Variants in DSCAM observed in about 807,000 individuals in gnomAD.
DSCAM encodes the protein DS cell adhesion molecule, also known as cell adhesion molecule DSCAM.
Under a neutral mutation model 217.7 loss-of-function variants are expected in DSCAM, and 47 were observed. The ratio of observed to expected loss-of-function variants is 0.22; its 90% CI spans 0.17 to 0.28. The LOEUF is 0.28. DSCAM is among the 10% of genes least tolerant of loss of function. The probability of loss-of-function intolerance (pLI) is 1.00; values close to 1 mark genes in which losing one functional copy is unlikely to be tolerated. For missense variants in DSCAM, 2,080 were observed against 2,618.3 expected (o/e 0.79, Z 4.49); for synonymous variants, 1,056 against 1,015.3 (o/e 1.04, Z -0.76).
At chr21:40,843,226 C>T (rs1363575410) in intron 1 of DSCAM, among the ~76,000 whole-genome samples, 1 of 152,150 alleles carries the variant, frequency 6.6e-6, no homozygotes, top group East Asian at 1.9e-4. Flanking sequence ...GTGCTGCATA[C>T]TCATCTTCTC....
At chr21:40,343,246 A>C (rs1305539045) in intron 6 of DSCAM, among the ~76,000 whole-genome samples, 1 of 152,184 alleles carries the variant, frequency 6.6e-6, no homozygotes, top group Non-Finnish European at 1.5e-5. Flanking sequence ...TGTAATTAAG[A>C]CAGCTGAAAT....
intron 20 of DSCAM, among the ~76,000 whole-genome samples, chr21:40,118,817 G>A (rs2090001753): frequency 1.3e-5 from 2 of 152,178 alleles, no homozygotes; most frequent in Non-Finnish European, 2.9e-5. Flanking sequence ...CATCATTGCT[G>A]TGTCCTCTGT....
At position 40,693,091 on chromosome 21, in the gene DSCAM, G is replaced by T. The variant is rs2090556113; in HGVS notation, c.362-135C>A. 4 of 1,040,702 alleles carry T rather than the reference G, an allele frequency of 3.8e-6. No homozygotes were observed. The South Asian group carries it at 9.2e-5, about 24-fold the overall frequency. 64.5% of individuals were successfully genotyped at this position (1,040,702 alleles called of 1,614,324 possible). On this transcript the variant is annotated intron_variant, in intron 2 of 32. Coordinates refer to ENST00000400454, the MANE Select transcript of DSCAM (RefSeq NM_001389.5). ...TATCTTTCTGGAAAACAGTTAAGAT[G>T]CCTACATTTCACGTCTTTCATCGCC...
At chr21:40,202,616 G>T (rs1478770603) in intron 11 of DSCAM, among the ~76,000 whole-genome samples, 2 of 152,202 alleles carry the variant, frequency 1.3e-5, no homozygotes, top group East Asian at 1.9e-4. Flanking sequence ...GTGTCCCAGG[G>T]ATCTCCTCTA....
At chr21:40,015,417 C>CT (rs5843993) in intron 32 of DSCAM, among the ~76,000 whole-genome samples, 34,943 of 145,392 alleles carry the variant, frequency 0.24, 5,178 homozygotes, top group East Asian at 0.45. Context: ...TCTCTTGACT[C>CT]TTTTTTTTTT....
At chr21:40,824,072 A>G (rs948916372) in intron 1 of DSCAM, among the ~76,000 whole-genome samples, 1 of 152,200 alleles carries the variant, frequency 6.6e-6, no homozygotes, top group East Asian at 1.9e-4. Flanking sequence ...CATGGGGATA[A>G]TCTAGACCCA....
chr21:40,410,747 C>A (rs1462141077), intron 3 of DSCAM, among the ~76,000 whole-genome samples: 1 of 142,310 alleles, frequency 7.0e-6, no homozygotes, highest in South Asian at 2.4e-4. Flanking sequence ...ATATAGAATT[C>A]TCTATACAGT....
chr21:40,691,884 T>C (rs919431298), intron 3 of DSCAM, among the ~76,000 whole-genome samples: 1 of 152,214 alleles, frequency 6.6e-6, no homozygotes, highest in African/African-American at 2.4e-5. Flanking sequence ...ATCAATAAGC[T>C]GAGAAACAAA....
At chr21:40,119,763 A>C (rs1052168197) in intron 20 of DSCAM, among the ~76,000 whole-genome samples, 1 of 151,956 alleles carries the variant, frequency 6.6e-6, no homozygotes, top group Admixed American at 6.6e-5. Flanking sequence ...TAGGGAGGGT[A>C]CTGGGAGGGA....
At chr21:40,073,327 T>C (rs780996528) in intron 27 of DSCAM, among the ~76,000 whole-genome samples, 1 of 152,144 alleles carries the variant, frequency 6.6e-6, no homozygotes, top group South Asian at 2.1e-4. Flanking sequence ...TAATAAGAAA[T>C]ATTTACTATT....
At chr21:40,609,061 C>T (rs1176139149) in intron 3 of DSCAM, among the ~76,000 whole-genome samples, 1 of 152,156 alleles carries the variant, frequency 6.6e-6, no homozygotes, top group Non-Finnish European at 1.5e-5. Context: ...CTCAAGCAGT[C>T]CTCCATCCTC....
intron 10 of DSCAM, among the ~76,000 whole-genome samples, chr21:40,284,469 C>T (rs1253455717): frequency 1.3e-5 from 2 of 152,178 alleles, no homozygotes; most frequent in Non-Finnish European, 2.9e-5. Flanking sequence ...AACTACATTC[C>T]CTGGCTTTGT....
At chr21:40,368,340 A>G (rs2074856192) in intron 4 of DSCAM, among the ~76,000 whole-genome samples, 1 of 152,210 alleles carries the variant, frequency 6.6e-6, no homozygotes, top group South Asian at 2.1e-4. Flanking sequence ...TTTTCCCCCA[A>G]AAGACATGAT....
chr21:40,554,339 T>C (rs1461803038), intron 3 of DSCAM, among the ~76,000 whole-genome samples: 2 of 152,204 alleles, frequency 1.3e-5, no homozygotes, highest in Non-Finnish European at 2.9e-5. Flanking sequence ...GCAGCTATCA[T>C]TCTTACAAAA....
At chr21:40,725,645 T>G (rs2090948332) in intron 1 of DSCAM, among the ~76,000 whole-genome samples, 1 of 152,228 alleles carries the variant, frequency 6.6e-6, no homozygotes, top group Non-Finnish European at 1.5e-5. Flanking sequence ...AATCAACACT[T>G]AAATGTAACC....
intron 3 of DSCAM, among the ~76,000 whole-genome samples, chr21:40,528,278 C>T (rs540406299): frequency 2.5e-4 from 38 of 152,098 alleles, no homozygotes; most frequent in Non-Finnish European, 4.4e-4. Flanking sequence ...ATAAGAGACA[C>T]AAAGCGAGAT....
intron 32 of DSCAM, among the ~76,000 whole-genome samples, chr21:40,037,908 C>G (rs1380381640): frequency 6.8e-6 from 1 of 147,924 alleles, no homozygotes; most frequent in Non-Finnish European, 1.5e-5. Context: ...GAAAAACAAG[C>G]AATGGGGAAA....
At chr21:40,689,342 C>T (rs534672519) in intron 3 of DSCAM, among the ~76,000 whole-genome samples, 3 of 152,314 alleles carry the variant, frequency 2.0e-5, no homozygotes, top group South Asian at 2.1e-4. Flanking sequence ...TTTGCTGCTC[C>T]GACCTTCCCA....
chr21:40,836,291 T>G (rs1331055429), intron 1 of DSCAM, among the ~76,000 whole-genome samples: 3 of 152,288 alleles, frequency 2.0e-5, no homozygotes, highest in South Asian at 2.1e-4. Context: ...TACAATGGAA[T>G]CAAGACCATA....
Sources: gnomAD v4.1 joint callset for allele counts (sites outside exome capture counted in the v4.1 genomes callset) on GRCh38, gnomAD v4.1.1 for gene constraint, MANE v1.5 for transcripts, NCBI Gene and HGNC (gene_info 2026-07-23, HGNC 2026-07-21) for gene names.